Variants in TRPM8 observed in about 807,000 individuals in gnomAD.
TRPM8 encodes the protein transient receptor potential cation channel subfamily M member 8.
A neutral mutation model predicts 133.7 loss-of-function variants in TRPM8; 110 were observed. That is an observed-to-expected ratio of 0.82 (90% confidence interval 0.70 to 0.96). The LOEUF (loss-of-function observed/expected upper bound fraction) is 0.96. Among genes scored for constraint, TRPM8 ranks in the 40% least tolerant of loss-of-function variants. The probability of loss-of-function intolerance (pLI) is 0.00; values close to 1 mark genes in which losing one functional copy is unlikely to be tolerated. For synonymous variants in TRPM8, 535 were observed against 532.3 expected (o/e 1.01, Z -0.07); for missense variants, 1,291 against 1,379.5 (o/e 0.94, Z 1.02).
At chr2:233,924,855 C>G (rs961427633) in intron 1 of TRPM8, among the ~76,000 whole-genome samples, 5 of 152,218 alleles carry the variant, frequency 3.3e-5, no homozygotes, top group African/African-American at 7.2e-5. Flanking sequence ...CAGGATTGAT[C>G]TGTGGTTTTG....
chr2:233,999,506 T>G (rs1574779650), intron 22 of TRPM8, among the ~76,000 whole-genome samples: 1 of 151,282 alleles, frequency 6.6e-6, no homozygotes, highest in East Asian at 1.9e-4. Flanking sequence ...GGTGGAAGAA[T>G]CCGTGGCCCT....
At chr2:233,930,302 G>C (rs10803666) in intron 2 of TRPM8, among the ~76,000 whole-genome samples, 16,720 of 152,164 alleles carry the variant, frequency 0.11, 1,043 homozygotes, top group East Asian at 0.22. Flanking sequence ...AAACAGCAAG[G>C]ATAAGAGGAA....
At chr2:233,961,602 C>G (rs1304603420) in intron 12 of TRPM8, among the ~76,000 whole-genome samples, 1 of 149,042 alleles carries the variant, frequency 6.7e-6, no homozygotes, top group Non-Finnish European at 1.5e-5. Context: ...CCGTGCCCGG[C>G]CTCTTTTTTC....
chr2:233,973,016 C>A (rs1192320591), intron 17 of TRPM8, among the ~76,000 whole-genome samples: 2 of 152,246 alleles, frequency 1.3e-5, no homozygotes, highest in Non-Finnish European at 2.9e-5. Context: ...GGACTGCCAG[C>A]ACGCTGTCAC....
intron 17 of TRPM8, among the ~76,000 whole-genome samples, chr2:233,971,742 G>A (rs1047324148): frequency 3.3e-5 from 5 of 152,202 alleles, no homozygotes; most frequent in Admixed American, 6.5e-5. Flanking sequence ...AGACCTTTGC[G>A]GTGAGTGTTA....
At chr2:234,001,386 A>G (rs1235931505) in intron 22 of TRPM8, among the ~76,000 whole-genome samples, 3 of 152,198 alleles carry the variant, frequency 2.0e-5, no homozygotes, top group African/African-American at 7.2e-5. Flanking sequence ...CATCACTTAT[A>G]TTCCGGACGG....
chr2:233,939,202 T>G (rs749853485), intron 5 of TRPM8, 27 bp downstream of exon 5: 3 of 1,606,288 alleles, frequency 1.9e-6, no homozygotes, highest in Non-Finnish European at 2.5e-6. Context: ...CGACCGCGGG[T>G]TCTTCCATTC....
chr2:233,990,126 G>A (rs28902217), intron 21 of TRPM8, among the ~76,000 whole-genome samples: 1,875 of 152,288 alleles, frequency 0.012, 29 homozygotes, highest in African/African-American at 0.042. Flanking sequence ...AAAGAAGAGC[G>A]CAGATAATTG....
intron 17 of TRPM8, among the ~76,000 whole-genome samples, chr2:233,971,559 T>G (rs1691719721): frequency 6.6e-6 from 1 of 152,006 alleles, no homozygotes; most frequent in African/African-American, 2.4e-5. Context: ...GTGTCTGGAA[T>G]TGGTGGGTTC....
intron 13 of TRPM8, among the ~76,000 whole-genome samples, chr2:233,963,606 G>A (rs1234878626): frequency 1.3e-5 from 2 of 152,122 alleles, no homozygotes; most frequent in Admixed American, 1.3e-4. Flanking sequence ...CTGCTTCTCA[G>A]GTGTGTGTGG....
rs972578403 is a variant in TRPM8, at chr2:233,970,307, A to G, written c.2236A>G (p.Ile746Val). The G allele has an allele frequency of 5.0e-6, 8 of 1,614,130 alleles. No individual in the cohort carries two copies. Among genetic ancestry groups the G allele is most frequent in the African/African-American group, 2.7e-5 (2 of 75,026 alleles). ...VVFSWNVVFY[I>V]AFLLLFAYVL... ...CTTCTCCTGGAATGTGGTCTTCTAC[A>G]TCGCCTTCCTCCTGCTGTTTGCCTA... The change falls in exon 17 of 26, where the codon ATC (isoleucine) becomes GTC (valine). Residue 746 changes from isoleucine to valine, a missense_variant. Physicochemically the swap from Ile to Val is conservative, Grantham distance 29. Transcript: ENST00000324695.
intron 6 of TRPM8, among the ~76,000 whole-genome samples, chr2:233,944,146 A>G (rs1219174919): frequency 6.6e-6 from 1 of 152,148 alleles, no homozygotes; most frequent in Non-Finnish European, 1.5e-5. Context: ...GGACTGATTT[A>G]TCTAATTGTG....
intron 19 of TRPM8, 87 bp from the exon 20 acceptor site, chr2:233,982,966 C>T (rs1271701573): frequency 1.4e-6 from 2 of 1,453,852 alleles, no homozygotes; most frequent in Non-Finnish European, 1.9e-6. Context: ...CTGCTCTTCT[C>T]CATGGTCCAC....
At chr2:233,957,148 T>G (rs1368113099) in intron 11 of TRPM8, among the ~76,000 whole-genome samples, 1 of 152,162 alleles carries the variant, frequency 6.6e-6, no homozygotes, top group African/African-American at 2.4e-5. Flanking sequence ...CTGCTAAATT[T>G]TTAGAGATTT....
chr2:233,990,337 C>T (rs1393946639), intron 21 of TRPM8, among the ~76,000 whole-genome samples: 1 of 152,160 alleles, frequency 6.6e-6, no homozygotes, highest in Non-Finnish European at 1.5e-5. Context: ...GAGTTGACTG[C>T]AAAGCCAAAG....
intron 17 of TRPM8, chr2:233,979,987 C>T: frequency 3.4e-6 from 2 of 584,828 alleles, no homozygotes; most frequent in Non-Finnish European, 6.0e-6. Flanking sequence ...AAGAGCAGAA[C>T]AGCCAGTGTG....
At chr2:233,990,881 A>G (rs4663997) in intron 21 of TRPM8, among the ~76,000 whole-genome samples, 150,652 of 152,288 alleles carry the variant, frequency 0.99, 74,526 homozygotes, top group East Asian at 1. Flanking sequence ...AGTCCCTGAT[A>G]TTAAGGGAAG....
chr2:233,931,540 C>G (rs1044088337), intron 3 of TRPM8, among the ~76,000 whole-genome samples: 4 of 152,194 alleles, frequency 2.6e-5, no homozygotes, highest in African/African-American at 9.7e-5. Context: ...TGGTTTCAAC[C>G]TTGACTTGGC....
At chr2:233,948,701 G>A (rs1338150847) in intron 8 of TRPM8, among the ~76,000 whole-genome samples, 1 of 152,204 alleles carries the variant, frequency 6.6e-6, no homozygotes, top group Non-Finnish European at 1.5e-5. Flanking sequence ...ACAACCCACA[G>A]TAGTGGGGGT....
Sources: allele counts gnomAD v4.1 joint callset (sites outside exome capture counted in the v4.1 genomes callset), GRCh38; gene constraint gnomAD v4.1.1; transcripts MANE v1.5; gene names NCBI Gene and HGNC (gene_info 2026-07-23, HGNC 2026-07-21).